The following CFAP47 variants were observed in gnomAD, a reference collection of about 807,000 sequenced individuals.
CFAP47 encodes cilia- and flagella-associated protein 47.
Under a neutral mutation model 148.1 loss-of-function variants are expected in CFAP47, and 29 were observed. The ratio of observed to expected loss-of-function variants is 0.20; its 90% CI spans 0.15 to 0.27. CFAP47 has a LOEUF of 0.27. Among genes scored for constraint, CFAP47 ranks in the 10% least tolerant of loss-of-function variants. The pLI is 1.00. For synonymous variants in CFAP47, 664 were observed against 577.3 expected (o/e 1.15, Z -2.15); for missense variants, 1,872 against 1,697.5 (o/e 1.10, Z -1.81).
Position 36,384,890 on chromosome X carries a change from A to G in CFAP47, c.9448A>G (p.Lys3150Glu). The part of the protein sequence containing the change: ...NAKAKIDATH[K>E]THDNMPVRPH... ...AAAAGCCAAAATTGATGCTACTCACAAGACACATGACAACATGCCAGTCCG... is the reference window on the plus strand; with the variant it reads ...AAAAGCCAAAATTGATGCTACTCACGAGACACATGACAACATGCCAGTCCG... Residue 3150 changes from lysine to glutamate, a missense_variant, in exon 64 of 64, where the codon AAG becomes GAG. Lys to Glu is a moderately conservative substitution (Grantham distance 56). Coordinates refer to ENST00000378653, the MANE Select transcript of CFAP47 (RefSeq NM_001304548.2). 1 of 1,166,229 alleles carries G rather than the reference A, an allele frequency of 8.6e-7. No individual in the cohort carries two copies. Among genetic ancestry groups the G allele is most frequent in the Non-Finnish European group, 1.1e-6 (1 of 871,437 alleles).
chrX:36,314,765 G>T (rs1002410284), intron 56 of CFAP47, among the ~76,000 whole-genome samples: 7 of 111,808 alleles, frequency 6.3e-5, no homozygotes, highest in African/African-American at 2.3e-4. Flanking sequence ...AGAGAGTGGA[G>T]ATATGCTAGG....
At chrX:36,294,466 T>A (rs1044973822) in intron 51 of CFAP47, among the ~76,000 whole-genome samples, 1 of 111,279 alleles carries the variant, frequency 9.0e-6, no homozygotes, top group Non-Finnish European at 1.9e-5. Flanking sequence ...GAGCCAGCAG[T>A]TTGGGAGACC....
chrX:36,144,682 G>A (rs1306390306), intron 35 of CFAP47: 2 of 1,027,510 alleles, frequency 1.9e-6, no homozygotes, highest in Non-Finnish European at 2.6e-6. Context: ...AGAACAAAGA[G>A]ACAGAAGAAG....
chrX:36,138,666 T>C (rs1256902021), intron 35 of CFAP47, among the ~76,000 whole-genome samples: 2 of 110,984 alleles, frequency 1.8e-5, no homozygotes, highest in African/African-American at 3.3e-5. Context: ...ATTATATACA[T>C]CCAGCTGTGC....
At chrX:36,015,526 C>T (rs6527532) in intron 22 of CFAP47, among the ~76,000 whole-genome samples, 35,122 of 110,315 alleles carry the variant, frequency 0.32, 8,396 homozygotes, top group African/African-American at 0.83. Context: ...TAAGTTAAAT[C>T]GTCATTAATT....
intron 57 of CFAP47, among the ~76,000 whole-genome samples, chrX:36,326,638 C>T (rs1556013095): frequency 8.9e-6 from 1 of 111,821 alleles, no homozygotes; most frequent in Non-Finnish European, 1.9e-5. Context: ...TGCCCCTGCC[C>T]TAGAGATTTG....
intron 2 of CFAP47, among the ~76,000 whole-genome samples, chrX:35,939,275 AT>A (rs1215522183): frequency 9.2e-6 from 1 of 108,802 alleles, no homozygotes; most frequent in African/African-American, 3.3e-5. Context: ...TATTGTCCTT[AT>A]TTTTTTTAAA....
At chrX:36,275,886 C>A (rs185740562) in intron 49 of CFAP47, among the ~76,000 whole-genome samples, 4 of 111,063 alleles carry the variant, frequency 3.6e-5, no homozygotes, top group Admixed American at 1.9e-4. Flanking sequence ...TGTATCTATG[C>A]AGATCTTCTA....
chrX:36,138,300 G>T (rs1234454223), intron 34 of CFAP47, 48 bp from the exon 35 acceptor site: 5 of 1,048,451 alleles, frequency 4.8e-6, no homozygotes, highest in East Asian at 3.5e-5. Context: ...TTAAAAAACA[G>T]AATTTTTTAT....
At position 36,375,176 on chromosome X, in the gene CFAP47, A is replaced by G. The variant is rs148983603; in HGVS notation, c.9186-4174A>G. 556 of 298,193 alleles carry G rather than the reference A, an allele frequency of 1.9e-3. 8 individuals are homozygous for G. The highest frequency in any genetic ancestry group is 0.014 in the African/African-American group (508 of 36,532). 24.6% of individuals were successfully genotyped at this position (298,193 alleles called of 1,213,427 possible). On this transcript the variant is annotated intron_variant, in intron 62 of 63. Transcript: ENST00000378653. ...GAGAGCATCAGCCAGGACATTCATG[A>G]GCACCATTGTGGCAATGCGGAAAGA...
Position 36,361,353 on chromosome X carries a change from G to A in CFAP47, c.8875G>A (p.Glu2959Lys), listed in dbSNP as rs782111176. ...PNEIPKIHEF[E>K]YEIQFESEAM... Reference sequence around the variant, plus strand: ...AGAAATTCCTAAAATACATGAATTCGAGTATGAAATTCAATTTGAATCTGA... The same window carrying A: ...AGAAATTCCTAAAATACATGAATTCAAGTATGAAATTCAATTTGAATCTGA... The change falls in exon 61 of 64, where the codon GAG (glutamate) becomes AAG (lysine). Residue 2959 changes from glutamate (E) to lysine (K), a missense_variant. Coordinates refer to ENST00000378653, the MANE Select transcript of CFAP47 (RefSeq NM_001304548.2). 5.4e-6 allele frequency: 6 copies of A among 1,109,313 alleles called. No homozygotes were observed. The highest frequency in any genetic ancestry group is 1.9e-5 in the African/African-American group (1 of 53,761). 91.4% of individuals were successfully genotyped at this position (1,109,313 alleles called of 1,213,427 possible). A position where few individuals can be genotyped will look rare whatever the true frequency, so the allele number is the denominator to read the frequency against.
Position 36,384,816 on chromosome X carries a change from A to T in CFAP47, c.9374A>T (p.Lys3125Met), listed in dbSNP as rs1556024840. 1 of 1,163,579 alleles carries T rather than the reference A, an allele frequency of 8.6e-7. No homozygotes were observed. The highest frequency in any genetic ancestry group is 1.8e-5 in the African/African-American group (1 of 55,587). Residue 3125 changes from lysine to methionine, a missense_variant, in exon 64 of 64, where the codon AAG (lysine) becomes ATG (methionine). By Grantham distance (95) the Lys-to-Met change is moderately conservative (BLOSUM62 -1). Transcript: ENST00000378653. Reference sequence around the variant, plus strand: ...ATCCAGACAGAAGAAATGTACTGGAAGTATGAGATCAATGGATTAACTCCA... The same window carrying T: ...ATCCAGACAGAAGAAATGTACTGGATGTATGAGATCAATGGATTAACTCCA... ...LVIQTEEMYW[K>M]YEINGLTPTT...
chrX:35,920,022 C>A lies in CFAP47; in HGVS notation c.223C>A (p.Arg75=), dbSNP rs142661727. Residue 75 remains arginine (R), a synonymous_variant, in exon 1 of 64, where the codon CGA becomes AGA. Transcript: ENST00000378653. ...TATTTGCCGCTGGAACCAGAAAATCCGATTTAAGGAGCCCGTCAAGCCACA... is the reference window on the plus strand; with the variant it reads ...TATTTGCCGCTGGAACCAGAAAATCAGATTTAAGGAGCCCGTCAAGCCACA... The part of the protein sequence containing the change: ...HNICRWNQKI[R]FKEPVKPQFK... 4,508 of 1,192,857 alleles carry A rather than the reference C, an allele frequency of 3.8e-3. 12 individuals carry two copies. The highest frequency in any genetic ancestry group is 4.4e-3 in the Non-Finnish European group (3,930 of 884,610).
chrX:36,127,048 G>A (rs1367545698), intron 33 of CFAP47, among the ~76,000 whole-genome samples: 3 of 112,042 alleles, frequency 2.7e-5, no homozygotes, highest in Non-Finnish European at 5.6e-5. Flanking sequence ...TTGGTTGCCT[G>A]TTCACTCTGA....
intron 49 of CFAP47, among the ~76,000 whole-genome samples, chrX:36,279,036 C>T (rs1281787284): frequency 8.9e-6 from 1 of 111,749 alleles, no homozygotes; most frequent in Non-Finnish European, 1.9e-5. Context: ...CACCTCCCCC[C>T]AGAAACAAGT....
intron 3 of CFAP47, among the ~76,000 whole-genome samples, chrX:35,944,247 CT>C (rs1263101761): frequency 9.0e-6 from 1 of 111,236 alleles, no homozygotes; most frequent in Non-Finnish European, 1.9e-5. Context: ...AAAGCACCCC[CT>C]ACTTATTCTC....
At chrX:36,243,510 A>G (rs1940572895) in intron 48 of CFAP47, among the ~76,000 whole-genome samples, 1 of 108,709 alleles carries the variant, frequency 9.2e-6, no homozygotes, top group Non-Finnish European at 1.9e-5. Context: ...AAACAAAAAG[A>G]AAAAAGAGTA....
chrX:36,384,806 A>G lies in CFAP47; in HGVS notation c.9364A>G (p.Met3122Val). Residue 3122 changes from methionine to valine, a missense_variant, in exon 64 of 64, where the codon ATG becomes GTG. By Grantham distance (21) the Met-to-Val change is conservative. Coordinates refer to ENST00000378653, the MANE Select transcript of CFAP47 (RefSeq NM_001304548.2). ...KATLVIQTEE[M>V]YWKYEINGLT... ...CCCTCTTTCTATCCAGACAGAAGAA[A>G]TGTACTGGAAGTATGAGATCAATGG... 8.6e-7 allele frequency: 1 copy of G among 1,162,908 alleles called. No homozygotes were observed.
At chrX:36,101,915 T>C (rs769546005) in intron 32 of CFAP47, among the ~76,000 whole-genome samples, 1 of 111,543 alleles carries the variant, frequency 9.0e-6, no homozygotes, top group Non-Finnish European at 1.9e-5. Context: ...CCAAATATAA[T>C]AGCAAAGTTC....
Sources: allele counts gnomAD v4.1 joint callset (sites outside exome capture counted in the v4.1 genomes callset), GRCh38; gene constraint gnomAD v4.1.1; transcripts MANE v1.5; gene names NCBI Gene and HGNC (gene_info 2026-07-23, HGNC 2026-07-21).